SRGAP3: variants seen among roughly 807,000 people sequenced by gnomAD.
SRGAP3 encodes the protein SLIT-ROBO Rho GTPase-activating protein 3.
SRGAP3 carries 39 observed loss-of-function variants against 121.1 expected under a neutral mutation model. The ratio of observed to expected loss-of-function variants is 0.32; its 90% CI spans 0.25 to 0.42. The LOEUF is 0.42. SRGAP3 is among the 10% of genes least tolerant of loss of function. The pLI, the probability that SRGAP3 is intolerant of heterozygous loss-of-function variation, is 1.00. For missense variants in SRGAP3, 1,213 were observed against 1,470.6 expected (o/e 0.82, Z 2.86); for synonymous variants, 601 against 570.0 (o/e 1.05, Z -0.77).
intron 1 of SRGAP3, 88 bp downstream of exon 1, chr3:9,248,797 G>A: frequency 7.4e-7 from 1 of 1,347,906 alleles, no homozygotes; most frequent in Non-Finnish European, 1.1e-6. Flanking sequence ...TGGCAGAGAG[G>A]AAAACGGGGG....
At chr3:9,175,123 T>G (rs939144549) in intron 1 of SRGAP3, among the ~76,000 whole-genome samples, 1 of 152,112 alleles carries the variant, frequency 6.6e-6, no homozygotes, top group Non-Finnish European at 1.5e-5. Context: ...AATGGTTTGT[T>G]TGTCAGCCAG....
chr3:9,035,581 T>A (rs1944707552), intron 11 of SRGAP3: 1 of 182,776 alleles, frequency 5.5e-6, no homozygotes, highest in Non-Finnish European at 1.2e-5. Context: ...AAGCCTTCCA[T>A]CTCTTCTGCT....
chr3:9,031,116 A>G (rs761548407), intron 12 of SRGAP3, among the ~76,000 whole-genome samples: 2 of 152,096 alleles, frequency 1.3e-5, no homozygotes, highest in Non-Finnish European at 2.9e-5. Flanking sequence ...CGCCTATCCT[A>G]AACTTGTTTC....
chr3:9,324,375 G>A (rs1955481976), intron 3 of SRGAP3, among the ~76,000 whole-genome samples: 1 of 151,802 alleles, frequency 6.6e-6, no homozygotes, highest in Non-Finnish European at 1.5e-5. Flanking sequence ...TATCACTATT[G>A]TAAATGTACT....
At chr3:9,280,512 T>C (rs1954656694) in intron 3 of SRGAP3, among the ~76,000 whole-genome samples, 1 of 152,240 alleles carries the variant, frequency 6.6e-6, no homozygotes, top group Non-Finnish European at 1.5e-5. Flanking sequence ...TCTGTGTTGC[T>C]CCGTCATAAA....
chr3:9,099,349 G>C (rs777211077), intron 3 of SRGAP3, among the ~76,000 whole-genome samples: 13 of 152,142 alleles, frequency 8.5e-5, no homozygotes, highest in African/African-American at 3.1e-4. Context: ...CATCACGGCC[G>C]GGGCAAGTAA....
intron 1 of SRGAP3, among the ~76,000 whole-genome samples, chr3:9,343,876 C>T (rs1419527860): frequency 6.6e-6 from 1 of 152,098 alleles, no homozygotes; most frequent in Non-Finnish European, 1.5e-5. Flanking sequence ...GCCATGTTGC[C>T]CAGGCTGGCC....
At chr3:9,234,133 A>G (rs749665212) in intron 1 of SRGAP3, among the ~76,000 whole-genome samples, 7 of 152,180 alleles carry the variant, frequency 4.6e-5, no homozygotes, top group Non-Finnish European at 1.0e-4. Flanking sequence ...GGGTCACGGG[A>G]CAAATAAATT....
chr3:9,316,933 C>T (rs965982514), intron 3 of SRGAP3, among the ~76,000 whole-genome samples: 2 of 152,040 alleles, frequency 1.3e-5, no homozygotes, highest in Non-Finnish European at 2.9e-5. Flanking sequence ...CATTTCAAAG[C>T]ACAAAGGCCT....
At chr3:9,130,254 A>G (rs1438871477) in intron 1 of SRGAP3, among the ~76,000 whole-genome samples, 3 of 152,160 alleles carry the variant, frequency 2.0e-5, no homozygotes, top group African/African-American at 7.2e-5. Context: ...GTGGATGTAT[A>G]ATAATGAAGA....
At chr3:9,141,957 C>T (rs1949869529) in intron 1 of SRGAP3, among the ~76,000 whole-genome samples, 1 of 152,212 alleles carries the variant, frequency 6.6e-6, no homozygotes, top group African/African-American at 2.4e-5. Context: ...AAATCATTAT[C>T]GTTGCCTAAT....
At position 9,165,575 on chromosome 3, in the gene SRGAP3, T is replaced by C. The variant is rs1044701739; in HGVS notation, c.68-40658A>G. ...TTCTGATCACGTCACCCCTCCTGCTTAAAACCCATCTGTGAATTCTCTTAG... is the reference window on the plus strand; with the variant it reads ...TTCTGATCACGTCACCCCTCCTGCTCAAAACCCATCTGTGAATTCTCTTAG... On this transcript the variant is annotated intron_variant, in intron 1 of 21. Coordinates refer to ENST00000383836, the MANE Select transcript of SRGAP3 (RefSeq NM_014850.4). 7.2e-5 allele frequency among the ~76,000 whole-genome samples: 11 copies of C among 152,262 alleles called. No individual in the cohort carries two copies. The East Asian group carries it at 1.5e-3, about 21-fold the overall frequency.
Position 9,096,968 on chromosome 3 carries a change from TATATATATATATAC to T in SRGAP3, c.423+7698_423+7711del, listed in dbSNP as rs1346189453. Among the ~76,000 whole-genome samples, 160 of 95,170 alleles carry T rather than the reference TATATATATATATAC, an allele frequency of 1.7e-3. 3 individuals carry two copies. The highest frequency in any genetic ancestry group is 7.0e-3 in the African/African-American group (115 of 16,494). 62.4% of individuals were successfully genotyped at this position (95,170 alleles called of 152,430 possible). On this transcript the variant is annotated intron_variant, in intron 3 of 21. Coordinates refer to ENST00000383836, the MANE Select transcript of SRGAP3 (RefSeq NM_014850.4). The stretch of plus-strand genomic sequence containing the variant: ...ATATATATATATATATATATATATA[TATATATATATATAC>T]ACATACACACACATATATATATATT...
At chr3:9,015,776 A>T in intron 14 of SRGAP3, 45 bp from the exon 15 acceptor site, 1 of 1,612,556 alleles carries the variant, frequency 6.2e-7, no homozygotes, top group Non-Finnish European at 8.5e-7. Flanking sequence ...CTTGGGAAGG[A>T]GTCAGAGAAC....
chr3:9,317,463 TCCTCAATGAAACTG>T (rs774531055), intron 3 of SRGAP3, among the ~76,000 whole-genome samples: 1 of 152,358 alleles, frequency 6.6e-6, no homozygotes, highest in Non-Finnish European at 1.5e-5. Flanking sequence ...AGAAACTAGA[TCCTCAATGAAACTG>T]GGATAGCTAT....
intron 3 of SRGAP3, among the ~76,000 whole-genome samples, chr3:9,295,702 A>G (rs1954941875): frequency 6.6e-6 from 1 of 152,164 alleles, no homozygotes; most frequent in Non-Finnish European, 1.5e-5. Flanking sequence ...CATTAAGTAT[A>G]TTCATATCAT....
intron 3 of SRGAP3, among the ~76,000 whole-genome samples, chr3:9,315,180 C>T (rs1020089345): frequency 6.6e-6 from 1 of 152,184 alleles, no homozygotes; most frequent in African/African-American, 2.4e-5. Flanking sequence ...CCAGGCTCTT[C>T]CAAGGCTCCC....
At chr3:9,108,965 C>T (rs1948520502) in intron 2 of SRGAP3, among the ~76,000 whole-genome samples, 1 of 152,264 alleles carries the variant, frequency 6.6e-6, no homozygotes, top group South Asian at 2.1e-4. Context: ...GATTCCGAGG[C>T]TCAGATCTTA....
At chr3:9,156,628 C>G (rs1013336337) in intron 1 of SRGAP3, among the ~76,000 whole-genome samples, 1 of 152,234 alleles carries the variant, frequency 6.6e-6, no homozygotes, top group African/African-American at 2.4e-5. Flanking sequence ...TGGTTTGGGA[C>G]TCTGCCTGTC....
Sources: gnomAD v4.1 joint callset for allele counts (sites outside exome capture counted in the v4.1 genomes callset) on GRCh38, gnomAD v4.1.1 for gene constraint, MANE v1.5 for transcripts, NCBI Gene and HGNC (gene_info 2026-07-23, HGNC 2026-07-21) for gene names.